Variants in COL27A1 observed in about 807,000 individuals in gnomAD.
COL27A1 encodes the protein collagen alpha-1(XXVII) chain.
A neutral mutation model predicts 251.3 loss-of-function variants in COL27A1; 106 were observed. The observed-to-expected ratio is 0.42, with a 90% CI of 0.36 to 0.50. The LOEUF is 0.50. COL27A1 is among the 20% of genes least tolerant of loss of function. The pLI, the probability that COL27A1 is intolerant of heterozygous loss-of-function variation, is 0.00. For missense variants in COL27A1, 2,325 were observed against 2,522.8 expected (o/e 0.92, Z 1.68); for synonymous variants, 1,000 against 986.3 (o/e 1.01, Z -0.26).
intron 16 of COL27A1, among the ~76,000 whole-genome samples, chr9:114,232,291 G>A (rs577918380): frequency 2.6e-4 from 39 of 152,256 alleles, no homozygotes; most frequent in African/African-American, 8.9e-4. Context: ...CTGGAAATGC[G>A]ACTCTGAGCC....
At chr9:114,292,290 T>G in intron 49 of COL27A1, 80 bp downstream of exon 49, 4 of 1,087,196 alleles carry the variant, frequency 3.7e-6, no homozygotes, top group Non-Finnish European at 5.4e-6. Flanking sequence ...TACAAACACA[T>G]GCACACTCAT....
Position 114,231,112 on chromosome 9 carries a change from C to G in COL27A1, c.2500C>G (p.Pro834Ala). 6.2e-7 allele frequency: 1 copy of G among 1,613,400 alleles called. No homozygotes were observed. The highest frequency in any genetic ancestry group is 8.5e-7 in the Non-Finnish European group (1 of 1,179,696). Residue 834 changes from proline to alanine, a missense_variant, in exon 15 of 61, where the codon CCG becomes GCG. Transcript: ENST00000356083. Reference protein sequence around the residue: ...DLGVLGPIGYPGPKGMKGLMG... With the variant: ...DLGVLGPIGYAGPKGMKGLMG... The stretch of plus-strand genomic sequence containing the variant: ...AGGAGTGTTGGGTCCGATTGGCTAC[C>G]CGGGACCCAAGGGCATGAAGGTAAG...
intron 3 of COL27A1, among the ~76,000 whole-genome samples, chr9:114,175,185 C>G (rs1008175101): frequency 6.6e-6 from 1 of 152,186 alleles, no homozygotes; most frequent in African/African-American, 2.4e-5. Flanking sequence ...GCTCTGTTTG[C>G]GTACGCCTGG....
In COL27A1 at chr9:114,178,254, G is replaced by A. The variant is rs368954439; in HGVS notation, c.1909-37G>A. ...TTGAGCCCATTCTCTGCTGCCAGTG[G>A]GCACTGTCTAATGCTGTCTTCTTGT... is the stretch of plus-strand genomic sequence containing the variant. On this transcript the variant is annotated intron_variant, in intron 3 of 60. Coordinates refer to ENST00000356083, the MANE Select transcript of COL27A1 (RefSeq NM_032888.4). 4.4e-6 allele frequency: 7 copies of A among 1,574,806 alleles called. No individual in the cohort carries two copies. In the African/African-American group the frequency reaches 8.1e-5, roughly 18 times the overall value.
chr9:114,308,833 C>T (rs1829244054), intron 59 of COL27A1, among the ~76,000 whole-genome samples: 1 of 152,210 alleles, frequency 6.6e-6, no homozygotes, highest in Non-Finnish European at 1.5e-5. Flanking sequence ...TCCGGCAGCA[C>T]CCCATCGCAC....
At chr9:114,172,355 G>A (rs1292251537) in intron 3 of COL27A1, among the ~76,000 whole-genome samples, 1 of 152,124 alleles carries the variant, frequency 6.6e-6, no homozygotes, top group Non-Finnish European at 1.5e-5. Flanking sequence ...CCCCATCCAG[G>A]CACATGCAGA....
chr9:114,154,239 C>T (rs1387208369), upstream of COL27A1, among the ~76,000 whole-genome samples: 1 of 152,046 alleles, frequency 6.6e-6, no homozygotes, highest in Non-Finnish European at 1.5e-5. The surrounding 1 kb of genome is among the most constrained non-coding windows in gnomAD (Gnocchi z 5.8). Context: ...GCGCTCCGCG[C>T]GCCCGCGCCC....
At chr9:114,306,354 G>A in intron 57 of COL27A1, 166 bp from the exon 58 acceptor site, 1 of 628,414 alleles carries the variant, frequency 1.6e-6, no homozygotes. Context: ...TTTGTCCCTG[G>A]CCCGTTTTCT....
At chr9:114,264,185 G>A (rs1346276553) in intron 28 of COL27A1, among the ~76,000 whole-genome samples, 170 bp from the exon 29 acceptor site, 1 of 152,214 alleles carries the variant, frequency 6.6e-6, no homozygotes, top group African/African-American at 2.4e-5. Context: ...TCTCGAAGGC[G>A]CTGCACGAGG....
In COL27A1 at chr9:114,168,781, C is replaced by A. The variant is rs769402761; in HGVS notation, c.1226C>A (p.Pro409His). 19 of 1,613,920 alleles carry A rather than the reference C, an allele frequency of 1.2e-5. No homozygotes were observed. Among genetic ancestry groups the A allele is most frequent in the Non-Finnish European group, 1.4e-5 (17 of 1,180,044 alleles). The change falls in exon 3 of 61, where the codon CCT (proline) becomes CAT (histidine). Residue 409 changes from proline to histidine, a missense_variant. Physicochemically the swap from Pro to His is moderately conservative, Grantham distance 77. Coordinates refer to ENST00000356083, the MANE Select transcript of COL27A1 (RefSeq NM_032888.4). ...CTACCCACTCAGAAGCAAGTGCCAC[C>A]TACTTCCCGTCCAGTTCCTGCCAGA... is the stretch of plus-strand genomic sequence containing the variant. ...SALPTQKQVP[P>H]TSRPVPARVS... is the part of the protein sequence containing the mutation.
chr9:114,190,745 C>T (rs1308936051), intron 5 of COL27A1, among the ~76,000 whole-genome samples: 1 of 152,212 alleles, frequency 6.6e-6, no homozygotes, highest in Non-Finnish European at 1.5e-5. Flanking sequence ...CTAGTACCAC[C>T]TGGCTCTGTT....
intron 33 of COL27A1, among the ~76,000 whole-genome samples, chr9:114,266,838 G>A (rs1834779092): frequency 6.6e-6 from 1 of 152,180 alleles, no homozygotes; most frequent in Non-Finnish European, 1.5e-5. Context: ...CAGGGGCATT[G>A]GGTGGGACAC....
chr9:114,309,124 CAT>C, intron 59 of COL27A1, 134 bp from the exon 60 acceptor site: 1 of 755,278 alleles, frequency 1.3e-6, no homozygotes, highest in Non-Finnish European at 2.4e-6. Flanking sequence ...CAAGTGGGCA[CAT>C]GTCTGGGAGC....
At chr9:114,248,530 T>C (rs775074832) in intron 24 of COL27A1, among the ~76,000 whole-genome samples, 27 of 152,208 alleles carry the variant, frequency 1.8e-4, no homozygotes, top group Non-Finnish European at 2.8e-4. Flanking sequence ...CCTCCTCCCA[T>C]GCCCGCCTTG....
At chr9:114,165,601 C>A (rs1322220622) in intron 2 of COL27A1, among the ~76,000 whole-genome samples, 1 of 150,800 alleles carries the variant, frequency 6.6e-6, no homozygotes, top group African/African-American at 2.4e-5. Context: ...ATCCACCCAT[C>A]CATACATTTA....
Position 114,195,979 on chromosome 9 carries a change from G to A in COL27A1, c.2091G>A (p.Gly697=). Residue 697 remains glycine (G), a synonymous_variant, in exon 7 of 61, where the codon GGG becomes GGA. Transcript: ENST00000356083. Reference sequence around the variant, plus strand: ...TCCAGGGTGACATGGGCTTGCCTGGGCTCTCCGGGAATCCAGGACCTCCGG... The same window carrying A: ...TCCAGGGTGACATGGGCTTGCCTGGACTCTCCGGGAATCCAGGACCTCCGG... ...DGAKGDMGLP[G]LSGNPGPPGR... is the part of the protein sequence containing the mutation. The A allele has an allele frequency of 6.2e-7, 1 of 1,614,054 alleles. No individual in the cohort carries two copies. The highest frequency in any genetic ancestry group is 8.5e-7 in the Non-Finnish European group (1 of 1,179,914).
chr9:114,277,431 C>T (rs1835577143), intron 37 of COL27A1, among the ~76,000 whole-genome samples: 1 of 152,146 alleles, frequency 6.6e-6, no homozygotes, highest in South Asian at 2.1e-4. Context: ...GGCAAAGCAG[C>T]CCAGTTTGAT....
intron 24 of COL27A1, among the ~76,000 whole-genome samples, chr9:114,249,242 CTAAT>C (rs1833360976): frequency 6.6e-6 from 1 of 152,210 alleles, no homozygotes; most frequent in South Asian, 2.1e-4. Context: ...AGAAAATGCT[CTAAT>C]TAATTTTTAA....
Position 114,169,252 on chromosome 9 carries a change from T to C in COL27A1, c.1697T>C (p.Val566Ala). ...PLRPGKAARD[V>A]PLSDLTTRPS... ...AGACCTGGGAAGGCAGCCAGGGATG[T>C]CCCCTTGAGCGATCTGACAACCAGG... is the stretch of plus-strand genomic sequence containing the variant. Residue 566 changes from valine (V) to alanine (A), a missense_variant, in exon 3 of 61, where the codon GTC (valine) becomes GCC (alanine). By Grantham distance (64) the Val-to-Ala change is moderately conservative (BLOSUM62 0). Coordinates refer to ENST00000356083, the MANE Select transcript of COL27A1 (RefSeq NM_032888.4). 1 of 1,613,170 alleles carries C rather than the reference T, an allele frequency of 6.2e-7. No individual in the cohort carries two copies.
Sources: gnomAD v4.1 joint callset for allele counts (sites outside exome capture counted in the v4.1 genomes callset) on GRCh38, gnomAD v4.1.1 for gene constraint, Gnocchi (gnomAD v3.1) non-coding constraint, MANE v1.5 for transcripts, NCBI Gene and HGNC (gene_info 2026-07-23, HGNC 2026-07-21) for gene names.